The following CYP3A5 variants were observed in gnomAD, a reference collection of about 807,000 sequenced individuals.
CYP3A5 encodes cytochrome P450 3A5.
A neutral mutation model predicts 55.9 loss-of-function variants in CYP3A5; 51 were observed. The ratio of observed to expected loss-of-function variants is 0.91; its 90% CI spans 0.73 to 1.15. CYP3A5 has a LOEUF of 1.15. Ranked by LOEUF, CYP3A5 falls within the 50% of genes most tolerant of loss-of-function variation. CYP3A5 has a pLI of 0.00. For missense variants in CYP3A5, 533 were observed against 596.6 expected (o/e 0.89, Z 1.11); for synonymous variants, 196 against 213.9 (o/e 0.92, Z 0.73).
intron 8 of CYP3A5, 160 bp downstream of exon 8, chr7:99,663,807 TC>T: frequency 3.7e-6 from 5 of 1,334,530 alleles, no homozygotes; most frequent in East Asian, 3.0e-5. Flanking sequence ...CTCATCTCCT[TC>T]CCCAATCTCC....
chr7:99,676,698 C>A, intron 1 of CYP3A5: 1 of 551,974 alleles, frequency 1.8e-6, no homozygotes, highest in Non-Finnish European at 3.3e-6. Flanking sequence ...TTACAATTTG[C>A]TCAGAAATGT....
intron 4 of CYP3A5, among the ~76,000 whole-genome samples, chr7:99,669,194 T>C (rs964436968): frequency 1.3e-5 from 2 of 152,212 alleles, no homozygotes; most frequent in Non-Finnish European, 2.9e-5. Flanking sequence ...CTTTTTCTTG[T>C]TGAGGCAAAT....
At chr7:99,666,402 C>T (rs984696026) in intron 6 of CYP3A5, among the ~76,000 whole-genome samples, 199 bp downstream of exon 6, 7 of 152,168 alleles carry the variant, frequency 4.6e-5, no homozygotes, top group African/African-American at 1.7e-4. Context: ...CTCCTGTGCA[C>T]AGGAGAGAAG....
chr7:99,668,878 AGG>A (rs1437195871), intron 4 of CYP3A5, among the ~76,000 whole-genome samples: 6 of 152,344 alleles, frequency 3.9e-5, no homozygotes, highest in African/African-American at 1.4e-4. Flanking sequence ...GTCAGGTATT[AGG>A]TGTGTTTGTG....
chr7:99,664,259 G>A (rs1390127789), intron 7 of CYP3A5, among the ~76,000 whole-genome samples, 164 bp from the exon 8 acceptor site: 1 of 152,226 alleles, frequency 6.6e-6, no homozygotes, highest in Non-Finnish European at 1.5e-5. Context: ...CGGCGACTGA[G>A]CAAGGGCAGG....
chr7:99,657,763 G>A (rs568602318), intron 10 of CYP3A5, among the ~76,000 whole-genome samples: 1 of 152,274 alleles, frequency 6.6e-6, no homozygotes, highest in African/African-American at 2.4e-5. Flanking sequence ...GAATCTGGGT[G>A]CTCCTGTATT....
In CYP3A5 at chr7:99,662,755, A is replaced by G; in HGVS notation, c.865+61T>C. 6.7e-7 allele frequency: 1 copy of G among 1,481,594 alleles called. No homozygotes were observed. Among genetic ancestry groups the G allele is most frequent in the South Asian group, 1.1e-5 (1 of 87,316 alleles). The allele number at this position is 1,481,594 out of a possible 1,614,324, so 91.8% of individuals were successfully genotyped here. A position where few individuals can be genotyped will look rare whatever the true frequency, so the allele number is the denominator to read the frequency against. On this transcript the variant is annotated intron_variant, in intron 9 of 12. Transcript: ENST00000222982. The surrounding 1 kb of genome is among the most constrained non-coding windows in gnomAD (Gnocchi z 4.3). ...CCTGGAATACTTCCTGCACATTTTCAGAACAAGGCCCTCCCTCTTAGTGTC... is the reference window on the plus strand; with the variant it reads ...CCTGGAATACTTCCTGCACATTTTCGGAACAAGGCCCTCCCTCTTAGTGTC...
At position 99,652,591 on chromosome 7, in the gene CYP3A5, T is replaced by C. The variant is rs771341634; in HGVS notation, c.1215A>G (p.Pro405=). 2.5e-6 allele frequency: 4 copies of C among 1,613,872 alleles called. No homozygotes were observed. The South Asian group carries it at 3.3e-5, about 13-fold the overall frequency. ...VIPTYALHHD[P]KYWTEPEEFR... ...ACTCCTCAGGCTCTGTCCAGTACTTTGGGTCATGGTGAAGAGCATAAGTTG... is the reference window on the plus strand; with the variant it reads ...ACTCCTCAGGCTCTGTCCAGTACTTCGGGTCATGGTGAAGAGCATAAGTTG... Residue 405 remains proline (P), a synonymous_variant, in exon 11 of 13, where the codon CCA becomes CCG. Transcript: ENST00000222982.
chr7:99,676,052 C>G (rs1025942700), intron 2 of CYP3A5, 63 bp downstream of exon 2: 12 of 1,444,284 alleles, frequency 8.3e-6, no homozygotes, highest in African/African-American at 1.4e-5. Context: ...GGCATTTTTA[C>G]TGATGGAACT....
intron 1 of CYP3A5, among the ~76,000 whole-genome samples, chr7:99,678,959 T>C (rs1015635590): frequency 6.6e-6 from 1 of 152,204 alleles, no homozygotes; most frequent in Non-Finnish European, 1.5e-5. Context: ...GGGTTTGCCC[T>C]CCTGTACTGT....
intron 10 of CYP3A5, among the ~76,000 whole-genome samples, chr7:99,657,120 G>T (rs1056854832): frequency 4.7e-4 from 71 of 152,096 alleles, no homozygotes; most frequent in Non-Finnish European, 8.7e-4. Context: ...CTTGCCTTCT[G>T]CTATCTTTTG....
intron 10 of CYP3A5, among the ~76,000 whole-genome samples, chr7:99,654,269 C>G (rs1022934715): frequency 6.6e-6 from 1 of 151,612 alleles, no homozygotes. Flanking sequence ...GTGTGATATT[C>G]CCCTTCCTGT....
Position 99,660,599 on chromosome 7 carries a change from G to A in CYP3A5, c.926C>T (p.Thr309Ile), listed in dbSNP as rs766695006. ...AGTGAAGGAAAGAACACTGCTGGTG[G>A]TTTCATAGCCAGCAAAAATGAAGAT... Reference protein sequence around the residue: ...SIIFIFAGYETTSSVLSFTLY... With the variant: ...SIIFIFAGYEITSSVLSFTLY... Residue 309 changes from threonine (T) to isoleucine (I), a missense_variant, in exon 10 of 13, where the codon ACC (threonine) becomes ATC (isoleucine). Coordinates refer to ENST00000222982, the MANE Select transcript of CYP3A5 (RefSeq NM_000777.5). The A allele has an allele frequency of 3.1e-6, 5 of 1,613,976 alleles. No individual in the cohort carries two copies. In the Admixed American group the frequency reaches 8.3e-5, roughly 27 times the overall value.
chr7:99,672,621 C>G lies in CYP3A5; in HGVS notation c.277G>C (p.Val93Leu). 1.2e-6 allele frequency: 2 copies of G among 1,614,100 alleles called. No homozygotes were observed. Among genetic ancestry groups the G allele is most frequent in the Non-Finnish European group, 8.5e-7 (1 of 1,179,970 alleles). The change falls in exon 4 of 13, where the codon GTG becomes CTG. Residue 93 changes from valine (V) to leucine (L), a missense_variant. Coordinates refer to ENST00000222982, the MANE Select transcript of CYP3A5 (RefSeq NM_000777.5). The stretch of plus-strand genomic sequence containing the variant: ...ACAGAATAACATTCTTTCACTAGCA[C>G]TGTTCTGATCACGTCGGGATCTGTG... ...AITDPDVIRTVLVKECYSVFT... is the reference protein window; with the variant it reads ...AITDPDVIRTLLVKECYSVFT...
In CYP3A5 at chr7:99,663,557, G is replaced by T. The variant is rs961512571; in HGVS notation, c.798+411C>A. 6.2e-5 allele frequency: 62 copies of T among 993,410 alleles called. No homozygotes were observed. In the African/African-American group the frequency reaches 9.4e-4, roughly 15 times the overall value. The allele number at this position is 993,410 out of a possible 1,614,324, so 61.5% of individuals were successfully genotyped here. On this transcript the variant is annotated intron_variant, in intron 8 of 12. Transcript: ENST00000222982. Reference sequence around the variant, plus strand: ...CAGCAGTCGGCAGGTAGCCTCATAGGACCTTTAATTGCAGAATATGTAAAA... The same window carrying T: ...CAGCAGTCGGCAGGTAGCCTCATAGTACCTTTAATTGCAGAATATGTAAAA...
At chr7:99,654,744 G>A (rs1318597700) in intron 10 of CYP3A5, among the ~76,000 whole-genome samples, 1 of 152,216 alleles carries the variant, frequency 6.6e-6, no homozygotes, top group African/African-American at 2.4e-5. Context: ...TCCAGCACCT[G>A]TTGTTTCCTG....
intron 10 of CYP3A5, among the ~76,000 whole-genome samples, chr7:99,656,702 A>T (rs992587641): frequency 1.2e-4 from 18 of 152,304 alleles, no homozygotes; most frequent in Admixed American, 1.3e-4. Flanking sequence ...CGGTGAATCC[A>T]TCTGGTCCTG....
chr7:99,651,285 T>C (rs890209170), intron 11 of CYP3A5, among the ~76,000 whole-genome samples: 5 of 152,190 alleles, frequency 3.3e-5, no homozygotes, highest in African/African-American at 1.2e-4. Flanking sequence ...TACGTATATA[T>C]CACATGAATT....
chr7:99,661,218 C>G (rs1018572217), intron 9 of CYP3A5, among the ~76,000 whole-genome samples: 3 of 152,148 alleles, frequency 2.0e-5, no homozygotes, highest in African/African-American at 7.2e-5. Context: ...TTTCATGGAC[C>G]AGCAGCACCA....
Sources: gnomAD v4.1 joint callset for allele counts (sites outside exome capture counted in the v4.1 genomes callset) on GRCh38, gnomAD v4.1.1 for gene constraint, Gnocchi (gnomAD v3.1) non-coding constraint, MANE v1.5 for transcripts, NCBI Gene and HGNC (gene_info 2026-07-23, HGNC 2026-07-21) for gene names.